The following CEP112 variants were observed in gnomAD, a reference collection of about 807,000 sequenced individuals.
The protein encoded by CEP112 is centrosomal protein of 112 kDa.
CEP112 carries 127 observed loss-of-function variants against 153.0 expected under a neutral mutation model. The ratio of observed to expected loss-of-function variants is 0.83; its 90% CI spans 0.72 to 0.96. The LOEUF (loss-of-function observed/expected upper bound fraction) is 0.96. Ranked by LOEUF, CEP112 falls within the 40% of genes least tolerant of loss-of-function variation. The pLI is 0.00. For synonymous variants in CEP112, 358 were observed against 374.4 expected, an observed-to-expected ratio of 0.96 and a Z score of 0.51; for missense variants, 1,089 against 1,101.2, an observed-to-expected ratio of 0.99 and a Z score of 0.16.
intron 4 of CEP112, among the ~76,000 whole-genome samples, chr17:66,159,220 C>T (rs144361495): frequency 0.034 from 5,186 of 152,210 alleles, 131 homozygotes; most frequent in Middle Eastern, 0.061. Flanking sequence ...AGCCTACCAA[C>T]CAAAAAAAGC....
rs116240166 is a variant in CEP112, at chr17:66,018,933, G to A, written c.1656+8568C>T. ...AAACAAGCAATAGGTTATCTGTAGG[G>A]GGCAGGTGTTTCCTTGCTAGTCAAA... On this transcript the variant is annotated intron_variant, in intron 16 of 26. Transcript: ENST00000535342. Among the ~76,000 whole-genome samples the A allele has an allele frequency of 2.3e-3, 344 of 152,248 alleles. 3 individuals carry two copies. Among genetic ancestry groups the A allele is most frequent in the African/African-American group, 8.0e-3 (334 of 41,546 alleles).
At chr17:65,985,989 T>C (rs1011577184) in intron 17 of CEP112, among the ~76,000 whole-genome samples, 2 of 152,090 alleles carry the variant, frequency 1.3e-5, no homozygotes, top group Admixed American at 6.6e-5. Context: ...TGCTGACTTA[T>C]CCTAAACTTA....
intron 6 of CEP112, among the ~76,000 whole-genome samples, chr17:66,117,972 A>G (rs1297041725): frequency 6.6e-6 from 1 of 152,212 alleles, no homozygotes; most frequent in Non-Finnish European, 1.5e-5. Flanking sequence ...ACCATCTCAC[A>G]TCAGTTAAAA....
At chr17:65,927,142 C>T (rs562655249) in intron 19 of CEP112, among the ~76,000 whole-genome samples, 4 of 152,238 alleles carry the variant, frequency 2.6e-5, no homozygotes, top group South Asian at 2.1e-4. Flanking sequence ...GGCACCTCCT[C>T]GCTTCTCTCT....
At chr17:65,831,556 C>CA (rs773211558) in intron 21 of CEP112, among the ~76,000 whole-genome samples, 1,450 of 87,226 alleles carry the variant, frequency 0.017, 16 homozygotes, top group African/African-American at 0.048. Context: ...GACTCCTTCT[C>CA]AAAAAAAAAA....
chr17:65,851,344 C>T (rs957592559), intron 21 of CEP112, among the ~76,000 whole-genome samples: 5 of 152,188 alleles, frequency 3.3e-5, no homozygotes, highest in South Asian at 4.1e-4. Flanking sequence ...TTTCTTATCT[C>T]GACTGAAATA....
At chr17:65,642,373 A>G (rs1015122756) in intron 24 of CEP112, among the ~76,000 whole-genome samples, 3 of 152,214 alleles carry the variant, frequency 2.0e-5, no homozygotes, top group African/African-American at 7.2e-5. Flanking sequence ...GCTGAAGACA[A>G]TTTAAAATTA....
intron 20 of CEP112, among the ~76,000 whole-genome samples, chr17:65,888,414 G>A (rs1297717257): frequency 1.3e-5 from 2 of 151,960 alleles, no homozygotes; most frequent in Admixed American, 1.3e-4. Flanking sequence ...TCCTCTTAGC[G>A]CAGTGACTGC....
chr17:65,940,516 G>T (rs2061474654), intron 18 of CEP112, among the ~76,000 whole-genome samples: 1 of 152,182 alleles, frequency 6.6e-6, no homozygotes, highest in African/African-American at 2.4e-5. Flanking sequence ...AAGGGATAAA[G>T]AAAATGTGGC....
At chr17:66,042,155 C>T (rs1283996557) in intron 12 of CEP112, among the ~76,000 whole-genome samples, 1 of 152,128 alleles carries the variant, frequency 6.6e-6, no homozygotes, top group Non-Finnish European at 1.5e-5. Flanking sequence ...TCGAGACCAG[C>T]CTGGCCAACA....
rs1256242211 is a variant in CEP112 at position 66,191,847 on chromosome 17, C to T, written c.-9+150G>A. On this transcript the variant is annotated intron_variant, in intron 1 of 26. Coordinates refer to ENST00000535342, the MANE Select transcript of CEP112 (RefSeq NM_001199165.4). This position sits in a 1 kb window ranked among gnomAD's most constrained non-coding sequence, Gnocchi z 4.2. ...CGCCGGGACCCCAGGGGCGCGCGCCCCCCAGGCCCGGAGAACGGGCCCAGG... is the reference window on the plus strand; with the variant it reads ...CGCCGGGACCCCAGGGGCGCGCGCCTCCCAGGCCCGGAGAACGGGCCCAGG... 1 of 152,340 alleles carries T rather than the reference C, an allele frequency of 6.6e-6. No individual in the cohort carries two copies. Among genetic ancestry groups the T allele is most frequent in the Non-Finnish European group, 1.5e-5 (1 of 68,018 alleles). 9.4% of individuals were successfully genotyped at this position (152,340 alleles called of 1,614,324 possible). A position where few individuals can be genotyped will look rare whatever the true frequency, so the allele number is the denominator to read the frequency against.
At chr17:65,697,503 T>C (rs1373102792) in intron 23 of CEP112, among the ~76,000 whole-genome samples, 1 of 152,144 alleles carries the variant, frequency 6.6e-6, no homozygotes, top group Non-Finnish European at 1.5e-5. Context: ...AGCAGTAAAA[T>C]CTCACTCTAT....
intron 23 of CEP112, among the ~76,000 whole-genome samples, chr17:65,701,921 C>T (rs1213834551): frequency 3.3e-5 from 4 of 119,558 alleles, no homozygotes; most frequent in Admixed American, 1.0e-4. Context: ...TTTTTTGAGA[C>T]GGAGTCTTGC....
intron 21 of CEP112, among the ~76,000 whole-genome samples, chr17:65,807,002 G>A (rs150738179): frequency 0.022 from 3,382 of 152,266 alleles, 54 homozygotes; most frequent in Non-Finnish European, 0.038. Context: ...ATGTGGGAAC[G>A]TTTGGAACCT....
At chr17:65,677,969 C>T (rs1444857337) in intron 24 of CEP112, among the ~76,000 whole-genome samples, 3 of 152,024 alleles carry the variant, frequency 2.0e-5, no homozygotes, top group Admixed American at 2.0e-4. Flanking sequence ...TGCCAATAAA[C>T]AATTGCAATT....
At chr17:66,098,185 C>A (rs1016460565) in intron 6 of CEP112, among the ~76,000 whole-genome samples, 1 of 152,212 alleles carries the variant, frequency 6.6e-6, no homozygotes, top group African/African-American at 2.4e-5. Context: ...ATTTTGTGTA[C>A]ATCACTATCC....
intron 1 of CEP112, among the ~76,000 whole-genome samples, chr17:66,189,126 TA>T (rs1887379225): frequency 6.6e-6 from 1 of 152,200 alleles, no homozygotes; most frequent in Non-Finnish European, 1.5e-5. Context: ...AAGCTCAGAT[TA>T]AAATTCTGAA....
chr17:65,765,381 A>G (rs999883290), intron 21 of CEP112, among the ~76,000 whole-genome samples: 2 of 150,904 alleles, frequency 1.3e-5, no homozygotes, highest in Non-Finnish European at 3.0e-5. Context: ...CTTGTAAAAC[A>G]GTTTTTCTTG....
chr17:65,920,541 A>G (rs1205503942), intron 19 of CEP112, among the ~76,000 whole-genome samples: 6 of 149,788 alleles, frequency 4.0e-5, no homozygotes, highest in Non-Finnish European at 8.9e-5. Flanking sequence ...GTGGGCTTTT[A>G]GGATTTTTAT....
Sources: gnomAD v4.1 joint callset for allele counts (sites outside exome capture counted in the v4.1 genomes callset) on GRCh38, gnomAD v4.1.1 for gene constraint, Gnocchi (gnomAD v3.1) non-coding constraint, MANE v1.5 for transcripts, NCBI Gene and HGNC (gene_info 2026-07-23, HGNC 2026-07-21) for gene names.